Variants in GSDME observed in about 807,000 individuals in gnomAD.
GSDME encodes gasdermin E, also known as gasdermin-E.
GSDME carries 44 observed loss-of-function variants against 47.5 expected under a neutral mutation model. The observed-to-expected ratio is 0.93, with a 90% CI of 0.73 to 1.19. GSDME has a LOEUF of 1.19. Among genes scored for constraint, GSDME ranks in the 50% most tolerant of loss-of-function variants. GSDME has a pLI of 0.00. For synonymous variants in GSDME, 258 were observed against 252.8 expected (o/e 1.02, Z -0.20); for missense variants, 663 against 604.2 (o/e 1.10, Z -1.02).
upstream of GSDME, among the ~76,000 whole-genome samples, chr7:24,758,631 G>A (rs536977869): frequency 1.3e-5 from 2 of 152,200 alleles, no homozygotes; most frequent in South Asian, 4.1e-4. The surrounding 1 kb of genome is among the most constrained non-coding windows in gnomAD (Gnocchi z 4.6). Flanking sequence ...AAGCCCGGCA[G>A]CGCTTTCCCT....
the GSDME span, among the ~76,000 whole-genome samples, chr7:24,778,664 C>T: frequency 6.6e-6 from 1 of 152,112 alleles, no homozygotes; most frequent in African/African-American, 2.4e-5. The surrounding 1 kb of genome is among the most constrained non-coding windows in gnomAD (Gnocchi z 5.6). Context: ...CAGCTTCCAT[C>T]CTTATGCCCA....
intron 7 of GSDME, chr7:24,707,298 A>G (rs1479256011): frequency 2.1e-6 from 1 of 470,996 alleles, no homozygotes. Context: ...AATCAGGTTT[A>G]TAAAGCCTCA....
rs919746717 is a variant in GSDME, at chr7:24,733,477, C to T, written c.404+11085G>A. ...GGGGTAGAGCACCAAGCAAGCCCTT[C>T]AAGTCTCTGATTCCAGGTTGTGGCT... On this transcript the variant is annotated intron_variant, in intron 3 of 9. Transcript: ENST00000645220. The surrounding 1 kb of genome is among the most constrained non-coding windows in gnomAD (Gnocchi z 4.3). 5.9e-5 allele frequency among the ~76,000 whole-genome samples: 9 copies of T among 152,176 alleles called. No individual in the cohort carries two copies. Among genetic ancestry groups the T allele is most frequent in the Admixed American group, 5.9e-4 (9 of 15,286 alleles).
chr7:24,778,482 T>A, the GSDME span, among the ~76,000 whole-genome samples: 1 of 152,248 alleles, frequency 6.6e-6, no homozygotes, highest in Non-Finnish European at 1.5e-5. The surrounding 1 kb of genome is among the most constrained non-coding windows in gnomAD (Gnocchi z 5.6). Flanking sequence ...TGTTGCACCC[T>A]TGTCCCAGTT....
chr7:24,756,144 GAGA>G lies in GSDME; in HGVS notation c.-20+1249_-20+1251del, dbSNP rs768121896. The stretch of plus-strand genomic sequence containing the variant: ...CATAAGACAGGCAGGAGCTCGAAAG[GAGA>G]AGGAGAGTGAGGCGCCAAAGGCTTT... On this transcript the variant is annotated intron_variant, in intron 1 of 9. Transcript: ENST00000645220. This position sits in a 1 kb window ranked among gnomAD's most constrained non-coding sequence, Gnocchi z 4.2. Among the ~76,000 whole-genome samples, 1 of 152,338 alleles carries G rather than the reference GAGA, an allele frequency of 6.6e-6. No homozygotes were observed. Among genetic ancestry groups the G allele is most frequent in the African/African-American group, 2.4e-5 (1 of 41,578 alleles).
the GSDME span, among the ~76,000 whole-genome samples, chr7:24,769,392 A>G: frequency 6.6e-6 from 1 of 152,190 alleles, no homozygotes; most frequent in Non-Finnish European, 1.5e-5. Flanking sequence ...TCATTCTTGC[A>G]GCGGGAGGCG....
intron 5 of GSDME, 31 bp downstream of exon 5, chr7:24,717,223 T>TCCTCTGCTGGGGA: frequency 6.2e-7 from 1 of 1,613,744 alleles, no homozygotes; most frequent in Non-Finnish European, 8.5e-7. Flanking sequence ...CTGCTGGGGA[T>TCCTCTGCTGGGGA]CCCTCAGCAC....
chr7:24,723,949 G>A (rs1789881934), intron 3 of GSDME, among the ~76,000 whole-genome samples: 1 of 152,160 alleles, frequency 6.6e-6, no homozygotes, highest in African/African-American at 2.4e-5. Flanking sequence ...CCTCGTGGCT[G>A]CCGCCCTGTG....
At chr7:24,704,225 G>T (rs1043461504) in intron 8 of GSDME, 4 of 152,168 alleles carry the variant, frequency 2.6e-5, no homozygotes, top group South Asian at 2.1e-4. Flanking sequence ...AAATTATTTT[G>T]ATTGCTCTTC....
At chr7:24,700,540 T>C (rs934428304) in intron 9 of GSDME, among the ~76,000 whole-genome samples, 2 of 152,204 alleles carry the variant, frequency 1.3e-5, no homozygotes, top group Non-Finnish European at 2.9e-5. Flanking sequence ...AGAAATTTCC[T>C]GAGCAGTGGT....
At chr7:24,730,724 A>G (rs1284835144) in intron 3 of GSDME, among the ~76,000 whole-genome samples, 4 of 152,210 alleles carry the variant, frequency 2.6e-5, no homozygotes, top group Admixed American at 1.3e-4. Flanking sequence ...CTGAGGCGGG[A>G]GAATTGCTTG....
Position 24,757,217 on chromosome 7 carries a change from C to G in GSDME, c.-20+179G>C, listed in dbSNP as rs997357576. ...GAGGGGAGCGACGGGACCTGCCGTT[C>G]CGGCGGCCGGGCAGCCAATCGATTC... On this transcript the variant is annotated intron_variant, in intron 1 of 9. Coordinates refer to ENST00000645220, the MANE Select transcript of GSDME (RefSeq NM_001127453.2). This position sits in a 1 kb window ranked among gnomAD's most constrained non-coding sequence, Gnocchi z 5.9. Among the ~76,000 whole-genome samples the G allele has an allele frequency of 6.6e-6, 1 of 151,856 alleles. No homozygotes were observed. Among genetic ancestry groups the G allele is most frequent in the Non-Finnish European group, 1.5e-5 (1 of 67,920 alleles).
At chr7:24,794,403 G>A in the GSDME span, among the ~76,000 whole-genome samples, 4 of 152,056 alleles carry the variant, frequency 2.6e-5, no homozygotes, top group African/African-American at 7.2e-5. Flanking sequence ...GGGAGAGACC[G>A]GCGGGAGTAG....
In GSDME at chr7:24,724,105, G is replaced by T. The variant is rs1416900605; in HGVS notation, c.405-4887C>A. 6.6e-6 allele frequency among the ~76,000 whole-genome samples: 1 copy of T among 151,926 alleles called. No individual in the cohort carries two copies. The highest frequency in any genetic ancestry group is 1.5e-5 in the Non-Finnish European group (1 of 68,020). The stretch of plus-strand genomic sequence containing the variant: ...TCTTGGGTGGGGAACCAGATGGCGG[G>T]GAGGGGCTTTTCACCTTTTCTCTTT... On this transcript the variant is annotated intron_variant, in intron 3 of 9. Transcript: ENST00000645220. This position sits in a 1 kb window ranked among gnomAD's most constrained non-coding sequence, Gnocchi z 4.8.
rs772624093 is a variant in GSDME, at chr7:24,717,346, G to A, written c.605C>T (p.Thr202Ile). 32 of 1,613,990 alleles carry A rather than the reference G, an allele frequency of 2.0e-5. No homozygotes were observed. The highest frequency in any genetic ancestry group is 2.7e-5 in the Non-Finnish European group (32 of 1,180,040). The change falls in exon 5 of 10, where the codon ACC (threonine) becomes ATC (isoleucine). Residue 202 changes from threonine (T) to isoleucine (I), a missense_variant. Physicochemically the swap from Thr to Ile is moderately conservative, Grantham distance 89. Coordinates refer to ENST00000645220, the MANE Select transcript of GSDME (RefSeq NM_001127453.2). ...CTCCAGCACCACGTTGGAGTCCTTG[G>A]TGACATTCCCATCCTCCGTCGCTGA... ...QVSATEDGNV[T>I]KDSNVVLEIP...
At chr7:24,772,067 G>T in the GSDME span, among the ~76,000 whole-genome samples, 1 of 152,148 alleles carries the variant, frequency 6.6e-6, no homozygotes, top group Non-Finnish European at 1.5e-5. This position sits in a 1 kb window ranked among gnomAD's most constrained non-coding sequence, Gnocchi z 4.5. Flanking sequence ...GGTATCCCAC[G>T]CCTGGGATGG....
intron 7 of GSDME, 48 bp from the exon 8 acceptor site, chr7:24,706,424 C>T (rs375483088): frequency 3.5e-5 from 55 of 1,577,560 alleles, no homozygotes; most frequent in Admixed American, 3.5e-5. Context: ...GGAGACCAAG[C>T]GCCACAGCTG....
chr7:24,757,534 C>G (rs916622681), upstream of GSDME: 39 of 151,650 alleles, frequency 2.6e-4, no homozygotes, highest in African/African-American at 9.4e-4. This position sits in a 1 kb window ranked among gnomAD's most constrained non-coding sequence, Gnocchi z 5.9. Context: ...TTGCTCGGTC[C>G]GGGCGCCCCA....
At chr7:24,706,741 C>T (rs1789124863) in intron 7 of GSDME, among the ~76,000 whole-genome samples, 1 of 152,236 alleles carries the variant, frequency 6.6e-6, no homozygotes, top group Non-Finnish European at 1.5e-5. Context: ...AAGCTAGGCG[C>T]TCCAGCCCCC....
Sources: gnomAD v4.1 joint callset for allele counts (sites outside exome capture counted in the v4.1 genomes callset) on GRCh38, gnomAD v4.1.1 for gene constraint, Gnocchi (gnomAD v3.1) non-coding constraint, MANE v1.5 for transcripts, NCBI Gene and HGNC (gene_info 2026-07-23, HGNC 2026-07-21) for gene names.